LUZP2: variants seen among roughly 807,000 people sequenced by gnomAD.
LUZP2 encodes the protein leucine zipper protein 2.
A neutral mutation model predicts 51.6 loss-of-function variants in LUZP2; 52 were observed. That is an observed-to-expected ratio of 1.01 (90% CI 0.81 to 1.27). The LOEUF is 1.27. Ranked by LOEUF, LUZP2 falls within the 50% of genes most tolerant of loss-of-function variation. LUZP2 has a pLI of 0.00. For synonymous variants in LUZP2, 154 were observed against 137.3 expected, an observed-to-expected ratio of 1.12 and a Z score of -0.85; for missense variants, 436 against 395.4, an observed-to-expected ratio of 1.10 and a Z score of -0.87.
rs1190548275 is a variant in LUZP2, at chr11:24,594,926, A to AT, written c.62+97628dup. ...AGGCATGCACCACCATGCCCGGCTA[A>AT]TTTTTTTGTATTTTTAGTAGAGGCG... On this transcript the variant is annotated intron_variant, in intron 1 of 11. Coordinates refer to ENST00000336930, the MANE Select transcript of LUZP2 (RefSeq NM_001009909.4). 1.4e-4 allele frequency among the ~76,000 whole-genome samples: 21 copies of AT among 151,058 alleles called. 1 individual carries two copies. Among genetic ancestry groups the AT allele is most frequent in the Admixed American group, 7.9e-4 (12 of 15,120 alleles).
intron 4 of LUZP2, among the ~76,000 whole-genome samples, chr11:24,750,511 AATC>A (rs1311632290): frequency 2.0e-5 from 3 of 152,246 alleles, no homozygotes; most frequent in Non-Finnish European, 2.9e-5. Context: ...AAGAATATAG[AATC>A]ATCATTATAA....
intron 1 of LUZP2, among the ~76,000 whole-genome samples, chr11:24,599,826 A>C (rs73433029): frequency 2.8e-3 from 429 of 152,244 alleles, no homozygotes; most frequent in African/African-American, 1.0e-2. Context: ...CGTAAAAAAA[A>C]CAAGATTTTC....
intron 9 of LUZP2, among the ~76,000 whole-genome samples, chr11:25,033,989 T>G (rs1565259493): frequency 6.6e-6 from 1 of 152,076 alleles, no homozygotes; most frequent in Non-Finnish European, 1.5e-5. Flanking sequence ...TTGTAAGTTA[T>G]TTGAGAAACC....
chr11:24,701,831 C>A (rs1297901348), intron 1 of LUZP2, among the ~76,000 whole-genome samples: 1 of 152,050 alleles, frequency 6.6e-6, no homozygotes, highest in East Asian at 1.9e-4. Flanking sequence ...TTAGGTGTCA[C>A]CTTAACATTC....
chr11:24,627,725 T>G (rs1294034483), intron 1 of LUZP2, among the ~76,000 whole-genome samples: 2 of 152,146 alleles, frequency 1.3e-5, no homozygotes, highest in Non-Finnish European at 2.9e-5. Flanking sequence ...ATTCCAGTGT[T>G]TGAAGCTGCA....
chr11:24,972,798 C>A (rs1041102421), intron 7 of LUZP2, among the ~76,000 whole-genome samples: 1 of 151,702 alleles, frequency 6.6e-6, no homozygotes, highest in Non-Finnish European at 1.5e-5. Context: ...GGTGGATAAC[C>A]TTTTTGATGT....
At chr11:24,770,816 A>C (rs1029485445) in intron 5 of LUZP2, among the ~76,000 whole-genome samples, 9 of 152,212 alleles carry the variant, frequency 5.9e-5, no homozygotes. Context: ...TGAAGAGCTA[A>C]AAATACAGCT....
At chr11:24,959,345 C>A (rs997167351) in intron 7 of LUZP2, among the ~76,000 whole-genome samples, 2 of 152,066 alleles carry the variant, frequency 1.3e-5, no homozygotes, top group Non-Finnish European at 2.9e-5. Context: ...TTACCTTGGG[C>A]AGTATGGCCA....
In LUZP2 at chr11:24,540,990, C is replaced by T. The variant is rs367709926; in HGVS notation, c.62+43685C>T. Among the ~76,000 whole-genome samples, 93 of 152,128 alleles carry T rather than the reference C, an allele frequency of 6.1e-4. 1 individual carries two copies. The South Asian group carries it at 0.018, about 29-fold the overall frequency. ...ATGGCCGGCTGGCCATGGTAGTTCA[C>T]CTCTGTAATCCCAGCAGTTTGGGAG... is the stretch of plus-strand genomic sequence containing the variant. On this transcript the variant is annotated intron_variant, in intron 1 of 11. Transcript: ENST00000336930.
chr11:24,697,857 C>A (rs1452902138), intron 1 of LUZP2, among the ~76,000 whole-genome samples: 1 of 152,110 alleles, frequency 6.6e-6, no homozygotes, highest in African/African-American at 2.4e-5. Context: ...ATTTTTCAGA[C>A]TTTTGCATTC....
chr11:24,819,846 ATT>A (rs1387192728), intron 5 of LUZP2, among the ~76,000 whole-genome samples: 1 of 152,096 alleles, frequency 6.6e-6, no homozygotes, highest in African/African-American at 2.4e-5. Context: ...TATAGTAATA[ATT>A]TTTCCCACAA....
At chr11:25,010,717 C>T (rs75926140) in intron 9 of LUZP2, among the ~76,000 whole-genome samples, 5 of 151,838 alleles carry the variant, frequency 3.3e-5, no homozygotes, top group African/African-American at 1.2e-4. Context: ...CATGGTGGGG[C>T]ACACATGTAG....
intron 1 of LUZP2, among the ~76,000 whole-genome samples, chr11:24,607,341 CTTTTTTTTTTTTTT>C (rs57741208): frequency 3.2e-5 from 2 of 63,416 alleles, no homozygotes; most frequent in Admixed American, 1.7e-4. Context: ...GATATTATGT[CTTTTTTTTTTTTTT>C]TTTTTTTTTT....
intron 1 of LUZP2, among the ~76,000 whole-genome samples, chr11:24,512,973 G>A (rs898133681): frequency 5.9e-5 from 9 of 152,108 alleles, no homozygotes; most frequent in African/African-American, 9.7e-5. Context: ...GCCCAGGCTG[G>A]TCTTGAACTC....
At chr11:24,931,358 G>A (rs868043566) in intron 7 of LUZP2, among the ~76,000 whole-genome samples, 56 of 152,192 alleles carry the variant, frequency 3.7e-4, no homozygotes, top group Middle Eastern at 6.8e-3. Context: ...CTTGTTGTTT[G>A]ATTCTATTCC....
chr11:24,946,384 C>A (rs1469783936), intron 7 of LUZP2, among the ~76,000 whole-genome samples: 1 of 151,766 alleles, frequency 6.6e-6, no homozygotes, highest in Non-Finnish European at 1.5e-5. Flanking sequence ...CTTTTTGTTT[C>A]TGATATGTCT....
intron 9 of LUZP2, among the ~76,000 whole-genome samples, chr11:25,003,344 G>A (rs575697373): frequency 4.1e-4 from 62 of 152,298 alleles, no homozygotes; most frequent in African/African-American, 1.4e-3. Context: ...GATCCTCAAA[G>A]GCAAAGAGAA....
chr11:25,039,107 C>T (rs1857957348), intron 9 of LUZP2, among the ~76,000 whole-genome samples: 1 of 152,108 alleles, frequency 6.6e-6, no homozygotes, highest in African/African-American at 2.4e-5. Context: ...AGAAAGATAC[C>T]TCTGGTCACT....
intron 9 of LUZP2, among the ~76,000 whole-genome samples, chr11:24,988,099 A>C (rs893433447): frequency 5.3e-5 from 8 of 152,004 alleles, no homozygotes; most frequent in African/African-American, 1.7e-4. Flanking sequence ...TGCTTCTAGA[A>C]GAGATTTCTC....
Sources: gnomAD v4.1 joint callset for allele counts (sites outside exome capture counted in the v4.1 genomes callset) on GRCh38, gnomAD v4.1.1 for gene constraint, MANE v1.5 for transcripts, NCBI Gene and HGNC (gene_info 2026-07-23, HGNC 2026-07-21) for gene names.